The following PREX2 variants were observed in gnomAD, a reference collection of about 807,000 sequenced individuals.
The protein encoded by PREX2 is phosphatidylinositol-3,4,5-trisphosphate dependent Rac exchange factor 2.
In PREX2, 107 loss-of-function variants were observed where a neutral mutation model predicts 203.2. The observed-to-expected ratio is 0.53, with a 90% confidence interval of 0.45 to 0.62. The LOEUF (loss-of-function observed/expected upper bound fraction) is 0.62, where lower values mean the gene tolerates loss of function less well. Ranked by LOEUF, PREX2 falls within the 20% of genes least tolerant of loss-of-function variation. The pLI, the probability that PREX2 is intolerant of heterozygous loss-of-function variation, is 0.00. For missense variants in PREX2, 1,777 were observed against 1,955.9 expected (o/e 0.91, Z 1.72); for synonymous variants, 672 against 663.6 (o/e 1.01, Z -0.19).
At position 68,222,709 on chromosome 8, in the gene PREX2, C is replaced by CA. The variant is rs575924238; in HGVS notation, c.4708-1835dup. 3.8e-3 allele frequency among the ~76,000 whole-genome samples: 442 copies of CA among 115,558 alleles called. 2 individuals are homozygous for CA. Among genetic ancestry groups the CA allele is most frequent in the South Asian group, 0.031 (116 of 3,726 alleles). 75.8% of individuals were successfully genotyped at this position (115,558 alleles called of 152,430 possible). On this transcript the variant is annotated intron_variant, in intron 38 of 39. Coordinates refer to ENST00000288368, the MANE Select transcript of PREX2 (RefSeq NM_024870.4). ...GTCCCTAAATATATTTATTAACTAC[C>CA]AAAAAAAAAAAAAAAGCAATGAGTA...
intron 1 of PREX2, among the ~76,000 whole-genome samples, chr8:67,962,083 C>T (rs754216133): frequency 1.4e-4 from 22 of 152,060 alleles, no homozygotes; most frequent in African/African-American, 2.2e-4. Flanking sequence ...CTTTGTTTCT[C>T]GGAAAGAGTC....
intron 1 of PREX2, among the ~76,000 whole-genome samples, chr8:67,979,243 A>G (rs183715703): frequency 5.2e-4 from 79 of 152,324 alleles, no homozygotes; most frequent in African/African-American, 1.7e-3. Context: ...ACTGAAAAGC[A>G]TCTTAGGGCA....
At chr8:68,229,976 T>C (rs1813134414) in intron 39 of PREX2, among the ~76,000 whole-genome samples, 1 of 152,244 alleles carries the variant, frequency 6.6e-6, no homozygotes, top group Non-Finnish European at 1.5e-5. Context: ...CTGGGAAGGA[T>C]GAAATAAGCT....
intron 33 of PREX2, among the ~76,000 whole-genome samples, chr8:68,140,707 C>A (rs760634951): frequency 6.6e-6 from 1 of 152,178 alleles, no homozygotes; most frequent in Non-Finnish European, 1.5e-5. Flanking sequence ...AGAACTATAG[C>A]TTTCCCTAAC....
intron 38 of PREX2, among the ~76,000 whole-genome samples, chr8:68,218,683 A>G (rs1812892871): frequency 1.3e-5 from 2 of 152,242 alleles, no homozygotes; most frequent in South Asian, 4.1e-4. Flanking sequence ...CCAAGACTGC[A>G]TTGCAGAATG....
In PREX2 at chr8:68,080,826, A is replaced by T; in HGVS notation, c.1866A>T (p.Gly622=). The T allele has an allele frequency of 6.7e-7, 1 of 1,489,074 alleles. No homozygotes were observed. The highest frequency in any genetic ancestry group is 9.3e-7 in the Non-Finnish European group (1 of 1,072,842). 92.2% of individuals were successfully genotyped at this position (1,489,074 alleles called of 1,614,324 possible). ...KVPIIKLVEK[G]SNAEMAGMEV... is the part of the protein sequence containing the mutation. ...CAATAATAAAGTTGGTAGAAAAGGG[A>T]TCTAATGCTGAGGTAATGTAAATTA... The change falls in exon 17 of 40, where the codon GGA becomes GGT. Residue 622 remains glycine, a synonymous_variant. Transcript: ENST00000288368.
intron 39 of PREX2, among the ~76,000 whole-genome samples, chr8:68,227,570 G>T (rs971729437): frequency 6.6e-6 from 1 of 152,160 alleles, no homozygotes; most frequent in Non-Finnish European, 1.5e-5. Flanking sequence ...TATTTAGGAG[G>T]TAGGTGAAGA....
intron 25 of PREX2, among the ~76,000 whole-genome samples, chr8:68,112,240 C>G (rs996419906): frequency 2.0e-5 from 3 of 152,128 alleles, no homozygotes; most frequent in Non-Finnish European, 4.4e-5. Context: ...GACTTTTGCC[C>G]TGCAATGGGC....
intron 23 of PREX2, chr8:68,101,352 G>A (rs768921690): frequency 5.8e-6 from 3 of 518,654 alleles, no homozygotes; most frequent in East Asian, 5.4e-5. Flanking sequence ...TGTAATGTTT[G>A]GGTTGTTGAG....
intron 20 of PREX2, among the ~76,000 whole-genome samples, chr8:68,092,593 G>A (rs572145984): frequency 3.9e-5 from 6 of 152,138 alleles, no homozygotes; most frequent in Admixed American, 2.6e-4. Context: ...TAAGGAAATC[G>A]CCCTTAAAAA....
chr8:68,139,533 C>A (rs189034529), intron 33 of PREX2, among the ~76,000 whole-genome samples: 11 of 152,190 alleles, frequency 7.2e-5, no homozygotes, highest in African/African-American at 2.6e-4. Flanking sequence ...TGATGAATTA[C>A]GGGATGTGTG....
chr8:67,973,813 G>A (rs1276848009), intron 1 of PREX2, among the ~76,000 whole-genome samples: 3 of 152,170 alleles, frequency 2.0e-5, no homozygotes, highest in Non-Finnish European at 4.4e-5. Context: ...GCTGGGAGCA[G>A]TTGTATTAGT....
At chr8:67,964,507 AT>A (rs1305256733) in intron 1 of PREX2, among the ~76,000 whole-genome samples, 3 of 152,176 alleles carry the variant, frequency 2.0e-5, no homozygotes, top group African/African-American at 7.2e-5. Flanking sequence ...TGTATTTAAA[AT>A]ATAATTTGGA....
intron 37 of PREX2, among the ~76,000 whole-genome samples, chr8:68,196,317 T>C (rs1433393108): frequency 6.7e-6 from 1 of 149,914 alleles, no homozygotes; most frequent in Admixed American, 6.6e-5. Flanking sequence ...GTTAAATATA[T>C]AGAAAAACAT....
rs1225242224 is a variant in PREX2 at position 68,206,554 on chromosome 8, T to A, written c.4605-11062T>A. ...GTAAGAAATGGAGTACACAAAGTGCTGGGTCCTATTAGAGCTTTGAAAAAG... is the reference window on the plus strand; with the variant it reads ...GTAAGAAATGGAGTACACAAAGTGCAGGGTCCTATTAGAGCTTTGAAAAAG... On this transcript the variant is annotated intron_variant, in intron 37 of 39. Transcript: ENST00000288368. Among the ~76,000 whole-genome samples, 2 of 152,162 alleles carry A rather than the reference T, an allele frequency of 1.3e-5. 1 individual carries two copies. The highest frequency in any genetic ancestry group is 1.3e-4 in the Admixed American group (2 of 15,272).
intron 23 of PREX2, among the ~76,000 whole-genome samples, chr8:68,102,432 G>A (rs1219850774): frequency 6.6e-6 from 1 of 152,190 alleles, no homozygotes; most frequent in Non-Finnish European, 1.5e-5. Context: ...AGCAAGGTTA[G>A]CAAGAAAACA....
At chr8:68,068,988 C>G in intron 11 of PREX2, 45 bp from the exon 12 acceptor site, 1 of 777,114 alleles carries the variant, frequency 1.3e-6, no homozygotes, top group South Asian at 2.1e-5. Flanking sequence ...TATCTGCCCC[C>G]TTTTAGAGTA....
chr8:68,127,152 C>A (rs1810908999), intron 30 of PREX2, among the ~76,000 whole-genome samples: 1 of 152,028 alleles, frequency 6.6e-6, no homozygotes, highest in African/African-American at 2.4e-5. Context: ...TGTAGGCAAA[C>A]AGGCAAGCGT....
chr8:68,166,216 TG>T (rs1811759579), intron 35 of PREX2, among the ~76,000 whole-genome samples: 1 of 152,184 alleles, frequency 6.6e-6, no homozygotes, highest in East Asian at 1.9e-4. Context: ...GACCAAAGAC[TG>T]GGAGGTCTGA....
Sources: gnomAD v4.1 joint callset for allele counts (sites outside exome capture counted in the v4.1 genomes callset) on GRCh38, gnomAD v4.1.1 for gene constraint, MANE v1.5 for transcripts, NCBI Gene and HGNC (gene_info 2026-07-23, HGNC 2026-07-21) for gene names.